Variants in YJEFN3 observed in about 807,000 individuals in gnomAD.
YJEFN3 encodes the protein yjeF N-terminal domain-containing protein 3.
Under a neutral mutation model 31.5 loss-of-function variants are expected in YJEFN3, and 29 were observed. The ratio of observed to expected loss-of-function variants is 0.92; its 90% confidence interval spans 0.69 to 1.26. The LOEUF (loss-of-function observed/expected upper bound fraction) is 1.26. Ranked by LOEUF, YJEFN3 falls within the 50% of genes most tolerant of loss-of-function variation. The probability of loss-of-function intolerance (pLI) is 0.00; values close to 1 mark genes in which losing one functional copy is unlikely to be tolerated. For missense variants in YJEFN3, 442 were observed against 425.4 expected (o/e 1.04, Z -0.34); for synonymous variants, 227 against 196.1 (o/e 1.16, Z -1.32).
At chr19:19,536,023 C>G (rs2061206031) in intron 6 of YJEFN3, 2 of 530,180 alleles carry the variant, frequency 3.8e-6, no homozygotes, top group Admixed American at 3.7e-5. Context: ...AGGCGACAGG[C>G]AGACGGAACA....
At chr19:19,529,119 G>A in intron 1 of YJEFN3, 128 bp downstream of exon 1, 8 of 1,480,662 alleles carry the variant, frequency 5.4e-6, no homozygotes, top group Non-Finnish European at 6.3e-6. Context: ...GGCACAGCCG[G>A]GATGGAGGTT....
intron 3 of YJEFN3, chr19:19,533,189 G>A: frequency 1.0e-6 from 1 of 995,808 alleles, no homozygotes; most frequent in Non-Finnish European, 1.2e-6. Context: ...AGGTGTGTCT[G>A]GCTCTGGAGT....
At position 19,537,568 on chromosome 19, in the gene YJEFN3, G is replaced by A; in HGVS notation, c.*44G>A. 3 of 1,475,032 alleles carry A rather than the reference G, an allele frequency of 2.0e-6. No individual in the cohort carries two copies. Among genetic ancestry groups the A allele is most frequent in the Non-Finnish European group, 1.8e-6 (2 of 1,111,432 alleles). The allele number at this position is 1,475,032 out of a possible 1,614,324, so 91.4% of individuals were successfully genotyped here. A position where few individuals can be genotyped will look rare whatever the true frequency, so the allele number is the denominator to read the frequency against. Reference sequence around the variant, plus strand: ...CCGCAGGGACCCTCGCCAATAAACAGCCCTCCCACCACCGCCGCCTCGCCT... The same window carrying A: ...CCGCAGGGACCCTCGCCAATAAACAACCCTCCCACCACCGCCGCCTCGCCT... On this transcript the variant is annotated 3_prime_UTR_variant, in exon 7 of 7. Transcript: ENST00000514277.
At position 19,535,000 on chromosome 19, in the gene YJEFN3, G is replaced by C; in HGVS notation, c.319-34G>C. The stretch of plus-strand genomic sequence containing the variant: ...CTCCAGGCAAGGAGGAATCTGGACT[G>C]TGCCTGTGCCTTTGCTGTGTCCCCT... On this transcript the variant is annotated intron_variant, in intron 3 of 6. Transcript: ENST00000514277. This position sits in a 1 kb window ranked among gnomAD's most constrained non-coding sequence, Gnocchi z 4.6. 6.5e-7 allele frequency: 1 copy of C among 1,536,348 alleles called. No individual in the cohort carries two copies.
chr19:19,529,978 G>T (rs1199714098), intron 2 of YJEFN3, among the ~76,000 whole-genome samples: 1 of 152,190 alleles, frequency 6.6e-6, no homozygotes, highest in Non-Finnish European at 1.5e-5. Flanking sequence ...AGCCCCCCCA[G>T]GCTCATGTTG....
At chr19:19,530,712 C>G (rs973355245) in intron 2 of YJEFN3, among the ~76,000 whole-genome samples, 5 of 152,150 alleles carry the variant, frequency 3.3e-5, no homozygotes, top group Non-Finnish European at 7.3e-5. Context: ...TGGCCTGCCC[C>G]GGGGGGACTC....
chr19:19,537,260 C>G (rs2061218550), intron 6 of YJEFN3, 59 bp from the exon 7 acceptor site: 1 of 1,464,582 alleles, frequency 6.8e-7, no homozygotes, highest in African/African-American at 1.4e-5. Flanking sequence ...AGGATGGACT[C>G]TAGGCTGAGG....
At position 19,537,373 on chromosome 19, in the gene YJEFN3, T is replaced by C. The variant is rs780814879; in HGVS notation, c.749T>C (p.Leu250Pro). The change falls in exon 7 of 7, where the codon CTG becomes CCG. Residue 250 changes from leucine to proline, a missense_variant. By Grantham distance (98) the Leu-to-Pro change is moderately conservative. Transcript: ENST00000514277. ...DSEDGLRPDV[L>P]VSLAAPKRCA... ...GAGGACGGGCTGCGGCCTGACGTGC[T>C]GGTGTCTCTCGCGGCGCCCAAGCGC... 5 of 1,596,152 alleles carry C rather than the reference T, an allele frequency of 3.1e-6. No individual in the cohort carries two copies. Among genetic ancestry groups the C allele is most frequent in the Admixed American group, 1.7e-5 (1 of 59,594 alleles).
At chr19:19,531,718 CTTTTTTTTTTTTT>C (rs56747140) in intron 2 of YJEFN3, among the ~76,000 whole-genome samples, 9 of 75,852 alleles carry the variant, frequency 1.2e-4, no homozygotes, top group African/African-American at 2.3e-4. Flanking sequence ...AACAAATAAC[CTTTTTTTTTTTTT>C]TTTTTTTTTT....
Position 19,529,359 on chromosome 19 carries a change from C to T in YJEFN3, c.60-5C>T. 1 of 1,609,448 alleles carries T rather than the reference C, an allele frequency of 6.2e-7. No individual in the cohort carries two copies. The highest frequency in any genetic ancestry group is 8.5e-7 in the Non-Finnish European group (1 of 1,177,828). ...TGGCCCACCCCCACTCTCCATCTCT[C>T]CCAGGGCCTTGGAGCTGCAGCCCCC... On this transcript the variant is annotated splice_polypyrimidine_tract_variant and splice_region_variant and intron_variant, in intron 1 of 6. Coordinates refer to ENST00000514277, the MANE Select transcript of YJEFN3 (RefSeq NM_198537.4).
intron 6 of YJEFN3, among the ~76,000 whole-genome samples, chr19:19,536,634 G>A (rs530455401): frequency 2.7e-4 from 41 of 151,956 alleles, no homozygotes; most frequent in Non-Finnish European, 4.6e-4. Flanking sequence ...AGCTGAGATC[G>A]TGCCACTGCA....
Position 19,537,560 on chromosome 19 carries a change from A to C in YJEFN3, c.*36A>C, listed in dbSNP as rs1238982342. 1 of 1,492,442 alleles carries C rather than the reference A, an allele frequency of 6.7e-7. No individual in the cohort carries two copies. Among genetic ancestry groups the C allele is most frequent in the South Asian group, 1.3e-5 (1 of 78,830 alleles). The allele number at this position is 1,492,442 out of a possible 1,614,324, so 92.4% of individuals were successfully genotyped here. ...CGGCCACACCGCAGGGACCCTCGCC[A>C]ATAAACAGCCCTCCCACCACCGCCG... is the stretch of plus-strand genomic sequence containing the variant. On this transcript the variant is annotated 3_prime_UTR_variant, in exon 7 of 7. Coordinates refer to ENST00000514277, the MANE Select transcript of YJEFN3 (RefSeq NM_198537.4).
rs1344046189 is a variant in YJEFN3, at chr19:19,529,494, G to A, written c.190G>A (p.Ala64Thr). The change falls in exon 2 of 7, where the codon GCA becomes ACA. Residue 64 changes from alanine (A) to threonine (T), a missense_variant. Physicochemically the swap from Ala to Thr is moderately conservative, Grantham distance 58. Coordinates refer to ENST00000514277, the MANE Select transcript of YJEFN3 (RefSeq NM_198537.4). ...GTCATGGCTAGAGCAGATTTGGAAC[G>A]CAGGGCCTGTTTGCCAGAGGTTGGT... Reference protein sequence around the residue: ...RQSWLEQIWNAGPVCQSTAEA... With the variant: ...RQSWLEQIWNTGPVCQSTAEA... The A allele has an allele frequency of 1.2e-6, 2 of 1,613,872 alleles. No homozygotes were observed. Among genetic ancestry groups the A allele is most frequent in the Admixed American group, 1.7e-5 (1 of 59,978 alleles).
intron 6 of YJEFN3, chr19:19,536,032 C>T: frequency 1.9e-6 from 1 of 531,380 alleles, no homozygotes; most frequent in Non-Finnish European, 3.3e-6. Flanking sequence ...GCAGACGGAA[C>T]AAACAGCCGC....
Position 19,535,527 on chromosome 19 carries a change from A to G in YJEFN3, c.544-2A>G. The G allele has an allele frequency of 1.2e-6, 2 of 1,605,800 alleles. No homozygotes were observed. The highest frequency in any genetic ancestry group is 1.7e-6 in the Non-Finnish European group (2 of 1,174,818). ...CACCCTGACCCTGCCTGCCTTCCCC[A>G]GGTGCAGCTCATTAACGAAGCCTAT... On this transcript the variant is annotated splice_acceptor_variant, in intron 5 of 6. Coordinates refer to ENST00000514277, the MANE Select transcript of YJEFN3 (RefSeq NM_198537.4). LOFTEE classifies it high-confidence loss of function.
At chr19:19,536,377 A>G (rs1043370805) in intron 6 of YJEFN3, among the ~76,000 whole-genome samples, 6 of 152,264 alleles carry the variant, frequency 3.9e-5, no homozygotes, top group Non-Finnish European at 5.9e-5. Flanking sequence ...CTGAAAGTGG[A>G]GGCTCATTCA....
intron 3 of YJEFN3, chr19:19,533,597 A>G: frequency 1.2e-6 from 1 of 806,948 alleles, no homozygotes; most frequent in Non-Finnish European, 1.4e-6. Context: ...CACTTACCCT[A>G]CCTCCTCCCC....
intron 1 of YJEFN3, 87 bp downstream of exon 1, chr19:19,529,078 G>T: frequency 6.6e-7 from 1 of 1,520,994 alleles, no homozygotes; most frequent in African/African-American, 1.4e-5. Context: ...GGTCATAGCT[G>T]GGACAGAATG....
rs1180947819 is a variant in YJEFN3, at chr19:19,537,353, C to T, written c.729C>T (p.Asp243=). ...WDAETGSDSE[D]GLRPDVLVSL... Reference sequence around the variant, plus strand: ...CAGAGACCGGCAGCGATTCGGAGGACGGGCTGCGGCCTGACGTGCTGGTGT... The same window carrying T: ...CAGAGACCGGCAGCGATTCGGAGGATGGGCTGCGGCCTGACGTGCTGGTGT... Residue 243 remains aspartate, a synonymous_variant, in exon 7 of 7, where the codon GAC becomes GAT. Transcript: ENST00000514277. 5 of 1,595,554 alleles carry T rather than the reference C, an allele frequency of 3.1e-6. No homozygotes were observed. The highest frequency in any genetic ancestry group is 1.1e-5 in the South Asian group (1 of 90,202).
Sources: allele counts gnomAD v4.1 joint callset (sites outside exome capture counted in the v4.1 genomes callset), GRCh38; gene constraint gnomAD v4.1.1; non-coding constraint Gnocchi (gnomAD v3.1); transcripts MANE v1.5; gene names NCBI Gene and HGNC (gene_info 2026-07-23, HGNC 2026-07-21).